The following C2orf80 variants were observed in gnomAD, a reference collection of about 807,000 sequenced individuals.
C2orf80 encodes the protein chromosome 2 open reading frame 80.
In C2orf80, 28 loss-of-function variants were observed where a neutral mutation model predicts 30.2. The observed-to-expected ratio is 0.93, with a 90% CI of 0.69 to 1.27. C2orf80 has a LOEUF of 1.27. Among genes scored for constraint, C2orf80 ranks in the 50% most tolerant of loss-of-function variants. The pLI, the probability that C2orf80 is intolerant of heterozygous loss-of-function variation, is 0.00. For synonymous variants in C2orf80, 80 were observed against 76.4 expected, an observed-to-expected ratio of 1.05 and a Z score of -0.24; for missense variants, 220 against 231.0, an observed-to-expected ratio of 0.95 and a Z score of 0.31.
chr2:208,189,648 G>A (rs1394679730), intron 1 of C2orf80, among the ~76,000 whole-genome samples: 2 of 152,304 alleles, frequency 1.3e-5, no homozygotes, highest in African/African-American at 4.8e-5. Context: ...AATTCTGCCA[G>A]TTATCCCTCT....
chr2:208,169,870 A>T (rs191443346), intron 8 of C2orf80, among the ~76,000 whole-genome samples: 8 of 152,320 alleles, frequency 5.3e-5, no homozygotes, highest in Admixed American at 5.2e-4. Context: ...TAAAACCCTG[A>T]TATGACCAAA....
chr2:208,167,877 T>TGA, intron 8 of C2orf80, among the ~76,000 whole-genome samples: 1 of 28,830 alleles, frequency 3.5e-5, no homozygotes, highest in East Asian at 1.1e-3. Flanking sequence ...TGCCTGGCTG[T>TGA]GATTTTTTTT....
chr2:208,174,223 G>A (rs759483147), intron 6 of C2orf80, among the ~76,000 whole-genome samples: 18 of 152,080 alleles, frequency 1.2e-4, no homozygotes, highest in Non-Finnish European at 2.5e-4. Flanking sequence ...TAAAGGGCTG[G>A]GACTACAGAT....
intron 2 of C2orf80, among the ~76,000 whole-genome samples, chr2:208,185,291 C>T (rs1484642452): frequency 1.3e-5 from 2 of 152,098 alleles, no homozygotes; most frequent in East Asian, 3.8e-4. Flanking sequence ...TACAGGAAAG[C>T]AAGGAATATG....
intron 2 of C2orf80, among the ~76,000 whole-genome samples, chr2:208,186,276 A>G (rs1365257377): frequency 6.6e-6 from 1 of 152,194 alleles, no homozygotes; most frequent in Non-Finnish European, 1.5e-5. Context: ...CCGAGAAAAG[A>G]TATTTGATGG....
chr2:208,168,135 TA>T (rs1302155841), intron 8 of C2orf80, among the ~76,000 whole-genome samples: 1 of 152,156 alleles, frequency 6.6e-6, no homozygotes, highest in Non-Finnish European at 1.5e-5. Flanking sequence ...CTTATTCCTT[TA>T]ATATAGAAAG....
intron 4 of C2orf80, among the ~76,000 whole-genome samples, chr2:208,181,948 C>T (rs1234712924): frequency 3.3e-5 from 5 of 152,162 alleles, no homozygotes; most frequent in Admixed American, 6.5e-5. Context: ...CACAGTCCTA[C>T]CCATGGACTT....
At chr2:208,189,429 G>A (rs1308691441) in intron 1 of C2orf80, among the ~76,000 whole-genome samples, 1 of 152,110 alleles carries the variant, frequency 6.6e-6, no homozygotes, top group Non-Finnish European at 1.5e-5. Context: ...CTAAACTGTA[G>A]GTCAGAAGAC....
intron 1 of C2orf80, among the ~76,000 whole-genome samples, chr2:208,189,027 C>T (rs1049106631): frequency 6.6e-6 from 1 of 152,050 alleles, no homozygotes; most frequent in South Asian, 2.1e-4. Flanking sequence ...AGGTGTTATC[C>T]GAAAAAGATG....
chr2:208,181,716 G>A (rs577921848), intron 4 of C2orf80, among the ~76,000 whole-genome samples: 6 of 152,150 alleles, frequency 3.9e-5, no homozygotes, highest in Admixed American at 3.3e-4. Context: ...ACTGTGGACT[G>A]AGCTGTCAGC....
chr2:208,171,474 C>T (rs1209212414), intron 7 of C2orf80, among the ~76,000 whole-genome samples: 1 of 152,266 alleles, frequency 6.6e-6, no homozygotes, highest in Non-Finnish European at 1.5e-5. Flanking sequence ...GCGCCTACCA[C>T]CACACCCAGC....
rs1447655541 is a variant in C2orf80 at position 208,171,029 on chromosome 2, A to G, written c.489T>C (p.Asn163=). The change falls in exon 8 of 9, where the codon AAT becomes AAC. Residue 163 remains asparagine (N), a synonymous_variant. Coordinates refer to ENST00000341287, the MANE Select transcript of C2orf80 (RefSeq NM_001099334.3). ...VKSRKVTTNK[N]ATSISAKEAN... Reference sequence around the variant, plus strand: ...CTTCCTTTGCAGAGATGCTGGTGGCATTTTTATTTGTTGTTACCTTTCTTG... The same window carrying G: ...CTTCCTTTGCAGAGATGCTGGTGGCGTTTTTATTTGTTGTTACCTTTCTTG... 5 of 1,613,966 alleles carry G rather than the reference A, an allele frequency of 3.1e-6. No homozygotes were observed. The highest frequency in any genetic ancestry group is 1.7e-5 in the Admixed American group (1 of 60,004).
intron 5 of C2orf80, 46 bp downstream of exon 5, chr2:208,181,172 G>T: frequency 8.0e-7 from 1 of 1,255,922 alleles, no homozygotes; most frequent in Non-Finnish European, 1.2e-6. Flanking sequence ...AATGCTCAGA[G>T]TAGATATGAA....
At chr2:208,175,213 G>C (rs1183496006) in intron 6 of C2orf80, among the ~76,000 whole-genome samples, 1 of 66 alleles carries the variant, frequency 0.015, no homozygotes, top group Non-Finnish European at 0.038. Flanking sequence ...TTGAACCCCG[G>C]GGGGGGGGGG....
At chr2:208,165,847 C>A (rs1466961843) in intron 8 of C2orf80, 32 bp from the exon 9 acceptor site, 4 of 1,532,182 alleles carry the variant, frequency 2.6e-6, no homozygotes, top group Admixed American at 1.7e-5. Context: ...TGGTATCAAG[C>A]ACATCAATTT....
intron 6 of C2orf80, among the ~76,000 whole-genome samples, chr2:208,172,537 T>G (rs1384238724): frequency 6.6e-6 from 1 of 152,100 alleles, no homozygotes; most frequent in Non-Finnish European, 1.5e-5. Context: ...TAACAGGCAC[T>G]TTACAGAGGA....
chr2:208,172,474 C>T (rs953035599), intron 6 of C2orf80, among the ~76,000 whole-genome samples: 5 of 152,152 alleles, frequency 3.3e-5, no homozygotes, highest in African/African-American at 9.7e-5. Context: ...GGCACAGTTC[C>T]CCCTGCCTAC....
chr2:208,184,973 T>C lies in C2orf80; in HGVS notation c.101A>G (p.Gln34Arg), dbSNP rs759096511. The change falls in exon 3 of 9, where the codon CAA (glutamine) becomes CGA (arginine). Residue 34 changes from glutamine to arginine, a missense_variant. Transcript: ENST00000341287. The part of the protein sequence containing the change: ...ENEFDPKGRR[Q>R]LTFLDDMAHY... ...TACCATATCATCTAGAAAGGTGAGT[T>C]GCCGTCTTCCTTTTGGGTCAAATTC... 1.2e-6 allele frequency: 2 copies of C among 1,613,924 alleles called. No homozygotes were observed. Among genetic ancestry groups the C allele is most frequent in the Admixed American group, 3.3e-5 (2 of 60,022 alleles).
rs1236495977 is a variant in C2orf80, at chr2:208,171,053, T to C, written c.465A>G (p.Ser155=). Residue 155 remains serine (S), a synonymous_variant, in exon 8 of 9, where the codon TCA becomes TCG. Transcript: ENST00000341287. ...AAYARKQSVK[S]RKVTTNKNAT... ...CATTTTTATTTGTTGTTACCTTTCT[T>C]GACTTGACACCTACAGACAGATGCA... 2 of 1,612,720 alleles carry C rather than the reference T, an allele frequency of 1.2e-6. No individual in the cohort carries two copies. Among genetic ancestry groups the C allele is most frequent in the African/African-American group, 2.7e-5 (2 of 74,904 alleles).
Sources: gnomAD v4.1 joint callset for allele counts (sites outside exome capture counted in the v4.1 genomes callset) on GRCh38, gnomAD v4.1.1 for gene constraint, MANE v1.5 for transcripts, NCBI Gene and HGNC (gene_info 2026-07-23, HGNC 2026-07-21) for gene names.